The following PPP1R9A variants were observed in gnomAD, a reference collection of about 807,000 sequenced individuals.
PPP1R9A encodes the protein neurabin-1.
PPP1R9A carries 59 observed loss-of-function variants against 141.9 expected under a neutral mutation model. That is an observed-to-expected ratio of 0.42 (90% CI 0.34 to 0.52). PPP1R9A has a LOEUF of 0.52. Ranked by LOEUF, PPP1R9A falls within the 20% of genes least tolerant of loss-of-function variation. The probability of loss-of-function intolerance (pLI) is 0.10; values close to 1 mark genes in which losing one functional copy is unlikely to be tolerated. For synonymous variants in PPP1R9A, 500 were observed against 569.7 expected (o/e 0.88, Z 1.74); for missense variants, 1,444 against 1,611.9 (o/e 0.90, Z 1.78).
intron 16 of PPP1R9A, 26 bp downstream of exon 16, chr7:95,274,194 T>C: frequency 6.0e-6 from 9 of 1,491,854 alleles, no homozygotes; most frequent in Non-Finnish European, 8.2e-6. Flanking sequence ...TAAGAACACG[T>C]GTATTTCTAT....
chr7:95,286,707 AG>A (rs1300380938), intron 18 of PPP1R9A, among the ~76,000 whole-genome samples: 1 of 152,138 alleles, frequency 6.6e-6, no homozygotes, highest in African/African-American at 2.4e-5. Context: ...GATTAGGGTG[AG>A]GTCTCTGATT....
At chr7:94,985,395 G>A (rs1041608505) in intron 2 of PPP1R9A, among the ~76,000 whole-genome samples, 5 of 152,204 alleles carry the variant, frequency 3.3e-5, no homozygotes, top group Non-Finnish European at 5.9e-5. Flanking sequence ...CTTCCGTCTC[G>A]TTGATCTGTC....
intron 2 of PPP1R9A, among the ~76,000 whole-genome samples, chr7:94,958,090 G>A (rs992972980): frequency 1.3e-5 from 2 of 151,932 alleles, no homozygotes; most frequent in African/African-American, 2.4e-5. Context: ...TGTATTTTGT[G>A]TGCAAAAAAA....
intron 2 of PPP1R9A, among the ~76,000 whole-genome samples, chr7:94,948,636 C>T (rs745382140): frequency 2.6e-5 from 4 of 152,114 alleles, no homozygotes; most frequent in Non-Finnish European, 4.4e-5. Flanking sequence ...GCTAGCTTTC[C>T]CCTCTCTTTC....
chr7:94,931,899 A>G (rs1794209373), intron 2 of PPP1R9A, among the ~76,000 whole-genome samples: 1 of 152,146 alleles, frequency 6.6e-6, no homozygotes, highest in Non-Finnish European at 1.5e-5. Flanking sequence ...CTTAAAATAC[A>G]GTTTCTATGT....
intron 6 of PPP1R9A, among the ~76,000 whole-genome samples, chr7:95,203,060 A>G (rs1024112529): frequency 6.6e-6 from 1 of 152,092 alleles, no homozygotes; most frequent in Non-Finnish European, 1.5e-5. Flanking sequence ...CAGAAACTGA[A>G]GCCCCTTCTA....
chr7:94,935,498 C>T lies in PPP1R9A; in HGVS notation c.1395+23990C>T, dbSNP rs151209266. Among the ~76,000 whole-genome samples, 1,144 of 152,250 alleles carry T rather than the reference C, an allele frequency of 7.5e-3. 54 individuals carry two copies. Among genetic ancestry groups the T allele is most frequent in the Admixed American group, 0.066 (1,016 of 15,280 alleles). ...AACGTATGCAGGGCCCCTGAAAGACCACATTGTTACATTTTTTAAAAAGTT... is the reference window on the plus strand; with the variant it reads ...AACGTATGCAGGGCCCCTGAAAGACTACATTGTTACATTTTTTAAAAAGTT... On this transcript the variant is annotated intron_variant, in intron 2 of 19. Coordinates refer to ENST00000433360, the MANE Select transcript of PPP1R9A (RefSeq NM_001166160.2).
chr7:95,047,424 G>C (rs1008320827), intron 2 of PPP1R9A, among the ~76,000 whole-genome samples: 1 of 152,080 alleles, frequency 6.6e-6, no homozygotes, highest in African/African-American at 2.4e-5. Context: ...CACTTTTTGA[G>C]ACATAATGGC....
At chr7:94,999,777 TTTTATTTA>T (rs34600036) in intron 2 of PPP1R9A, among the ~76,000 whole-genome samples, 2,801 of 141,334 alleles carry the variant, frequency 0.02, 41 homozygotes, top group African/African-American at 0.047. Flanking sequence ...AGATATCTTA[TTTTATTTA>T]TTTATTTATT....
chr7:95,087,160 G>A (rs900208306), intron 2 of PPP1R9A, among the ~76,000 whole-genome samples: 1 of 151,994 alleles, frequency 6.6e-6, no homozygotes, highest in African/African-American at 2.4e-5. Context: ...CACACTTAGT[G>A]TAGTTGCGCT....
chr7:95,286,572 G>A (rs1255148563), intron 18 of PPP1R9A, among the ~76,000 whole-genome samples: 2 of 152,070 alleles, frequency 1.3e-5, no homozygotes, highest in African/African-American at 4.8e-5. Context: ...GGGAGGCTGG[G>A]CAGTGCAGAG....
chr7:95,021,048 G>A (rs1021288797), intron 2 of PPP1R9A, among the ~76,000 whole-genome samples: 15 of 152,044 alleles, frequency 9.9e-5, no homozygotes, highest in South Asian at 2.1e-4. Flanking sequence ...AGGAATCGCC[G>A]CACTGTCTTC....
intron 1 of PPP1R9A, 122 bp downstream of exon 1, chr7:94,907,824 C>T (rs1790919680): frequency 6.6e-6 from 1 of 150,678 alleles, no homozygotes; most frequent in Non-Finnish European, 1.5e-5. Context: ...CGGCCGGCAC[C>T]CCTGGCCCCA....
In PPP1R9A at chr7:95,260,435, T is replaced by C. The variant is rs186379712; in HGVS notation, c.2666-8115T>C. Among the ~76,000 whole-genome samples the C allele has an allele frequency of 2.6e-5, 4 of 152,262 alleles. No individual in the cohort carries two copies. In the East Asian group the frequency reaches 7.7e-4, roughly 29 times the overall value. ...GGCTCATGCCTGTCTTCCCAGCACT[T>C]TGGGAGGCCAAGGCGGGTGGATCAC... On this transcript the variant is annotated intron_variant, in intron 12 of 19. Coordinates refer to ENST00000433360, the MANE Select transcript of PPP1R9A (RefSeq NM_001166160.2).
chr7:95,045,725 T>C (rs1317733873), intron 2 of PPP1R9A, among the ~76,000 whole-genome samples: 1 of 152,206 alleles, frequency 6.6e-6, no homozygotes, highest in Non-Finnish European at 1.5e-5. Flanking sequence ...TGCCTGACAT[T>C]TCTAGTGGGC....
intron 7 of PPP1R9A, among the ~76,000 whole-genome samples, chr7:95,225,683 A>G (rs12704784): frequency 0.51 from 76,820 of 151,932 alleles, 19,699 homozygotes; most frequent in African/African-American, 0.59. Context: ...ATAATCAAAT[A>G]CTCAGAAAAA....
At chr7:94,988,063 C>G (rs1429004099) in intron 2 of PPP1R9A, among the ~76,000 whole-genome samples, 1 of 152,048 alleles carries the variant, frequency 6.6e-6, no homozygotes, top group East Asian at 1.9e-4. Context: ...GTTCATTACC[C>G]TGGACACTTG....
intron 4 of PPP1R9A, 44 bp from the exon 5 acceptor site, chr7:95,161,823 T>C: frequency 7.9e-7 from 1 of 1,269,568 alleles, no homozygotes; most frequent in Non-Finnish European, 1.1e-6. Context: ...CATAAATTAA[T>C]TTTTTATGTA....
intron 2 of PPP1R9A, among the ~76,000 whole-genome samples, chr7:95,084,184 G>A (rs763674496): frequency 1.3e-5 from 2 of 151,984 alleles, no homozygotes; most frequent in African/African-American, 2.4e-5. Flanking sequence ...AAAATTTAAT[G>A]CCCATGTTGA....
Sources: gnomAD v4.1 joint callset for allele counts (sites outside exome capture counted in the v4.1 genomes callset) on GRCh38, gnomAD v4.1.1 for gene constraint, MANE v1.5 for transcripts, NCBI Gene and HGNC (gene_info 2026-07-23, HGNC 2026-07-21) for gene names.